The following GPR108 variants were observed in gnomAD, a reference collection of about 807,000 sequenced individuals.
The protein encoded by GPR108 is protein GPR108.
Under a neutral mutation model 74.3 loss-of-function variants are expected in GPR108, and 60 were observed. That is an observed-to-expected ratio of 0.81 (90% CI 0.66 to 1.00). The LOEUF is 1.00. GPR108 is among the 50% of genes least tolerant of loss of function. GPR108 has a pLI of 0.00. For missense variants in GPR108, 667 were observed against 703.3 expected (o/e 0.95, Z 0.58); for synonymous variants, 311 against 292.4 (o/e 1.06, Z -0.65).
chr19:6,730,275 G>A lies in GPR108; in HGVS notation c.*37C>T, dbSNP rs375153101. ...AGAAGGGCAGGAGTGAGAAATGCTGGGGGAGGACGACCCTTTGGTCTGAGA... is the reference window on the plus strand; with the variant it reads ...AGAAGGGCAGGAGTGAGAAATGCTGAGGGAGGACGACCCTTTGGTCTGAGA... On this transcript the variant is annotated 3_prime_UTR_variant, in exon 18 of 18. Coordinates refer to ENST00000264080, the MANE Select transcript of GPR108 (RefSeq NM_001080452.2). 2.1e-5 allele frequency: 33 copies of A among 1,577,426 alleles called. No individual in the cohort carries two copies. In the African/African-American group the frequency reaches 3.8e-4, roughly 18 times the overall value.
At position 6,730,245 on chromosome 19, in the gene GPR108, G is replaced by A. The variant is rs1968332477; in HGVS notation, c.*67C>T. On this transcript the variant is annotated 3_prime_UTR_variant, in exon 18 of 18. Transcript: ENST00000264080. ...CCCCCTCCACCTCCCCACATACGCT[G>A]TGGAAGAAGGGCAGGAGTGAGAAAT... 1.4e-6 allele frequency: 2 copies of A among 1,458,880 alleles called. No homozygotes were observed. Among genetic ancestry groups the A allele is most frequent in the Non-Finnish European group, 1.9e-6 (2 of 1,038,632 alleles). The allele number at this position is 1,458,880 out of a possible 1,614,324, so 90.4% of individuals were successfully genotyped here. A position where few individuals can be genotyped will look rare whatever the true frequency, so the allele number is the denominator to read the frequency against.
intron 1 of GPR108, chr19:6,737,145 G>C: frequency 2.4e-6 from 1 of 408,164 alleles, no homozygotes; most frequent in Non-Finnish European, 4.4e-6. Flanking sequence ...AGGGTCTCTA[G>C]CGCCCCAAAA....
Position 6,733,824 on chromosome 19 carries a change from G to T in GPR108, c.618+21C>A, listed in dbSNP as rs375796796. 3.1e-6 allele frequency: 5 copies of T among 1,613,166 alleles called. No homozygotes were observed. The East Asian group carries it at 1.1e-4, about 36-fold the overall frequency. On this transcript the variant is annotated intron_variant, in intron 7 of 17. Coordinates refer to ENST00000264080, the MANE Select transcript of GPR108 (RefSeq NM_001080452.2). ...CGTGCTCTGGGGTGACGGAAGGGCC[G>T]CAGGCGCTGCAAACACTCACACTGA... is the stretch of plus-strand genomic sequence containing the variant.
intron 2 of GPR108, 57 bp downstream of exon 2, chr19:6,736,535 C>T: frequency 6.4e-7 from 1 of 1,559,190 alleles, no homozygotes; most frequent in African/African-American, 1.4e-5. Context: ...AGCTGGGAAC[C>T]CAGAACCGGG....
chr19:6,734,235 G>A lies in GPR108; in HGVS notation c.447C>T (p.Ser149=). 1 of 1,614,206 alleles carries A rather than the reference G, an allele frequency of 6.2e-7. No homozygotes were observed. The highest frequency in any genetic ancestry group is 8.5e-7 in the Non-Finnish European group (1 of 1,180,040). Residue 149 remains serine, a synonymous_variant, in exon 5 of 18, where the codon TCC becomes TCT. Coordinates refer to ENST00000264080, the MANE Select transcript of GPR108 (RefSeq NM_001080452.2). ...CCTGTGGCTTCGGGAGCCCTGGTTT[G>A]GAGGGTGCTTCCGGGAGGAGCCCGG... is the stretch of plus-strand genomic sequence containing the variant. ...IFPGLLPEAP[S]KPGLPKPQAT...
intron 4 of GPR108, among the ~76,000 whole-genome samples, chr19:6,734,749 C>T (rs1466988001): frequency 5.3e-5 from 8 of 151,966 alleles, no homozygotes; most frequent in African/African-American, 1.9e-4. Flanking sequence ...CTACGTTGCC[C>T]AGGCTGGTCT....
intron 1 of GPR108, chr19:6,737,235 C>G: frequency 1.8e-6 from 1 of 561,736 alleles, no homozygotes; most frequent in Non-Finnish European, 3.0e-6. Context: ...GCCTCGCCCC[C>G]GAAGGGAGGG....
chr19:6,735,244 T>C (rs1173878511), intron 4 of GPR108: 1 of 175,262 alleles, frequency 5.7e-6, no homozygotes, highest in Admixed American at 5.7e-5. Context: ...AACATGGTTT[T>C]GTCAGACCCT....
At chr19:6,737,030 A>C in intron 1 of GPR108, 1 of 407,082 alleles carries the variant, frequency 2.5e-6, no homozygotes, top group Non-Finnish European at 4.5e-6. Flanking sequence ...GAACTTTTAC[A>C]TTCCAGTTGA....
At chr19:6,733,413 A>G (rs1404038303) in intron 8 of GPR108, 112 bp from the exon 9 acceptor site, 2 of 1,310,196 alleles carry the variant, frequency 1.5e-6, no homozygotes, top group Non-Finnish European at 2.1e-6. Flanking sequence ...CCACTCATCC[A>G]CTCTGAGCCT....
chr19:6,735,208 A>G (rs1321424353), intron 4 of GPR108, among the ~76,000 whole-genome samples: 1 of 152,186 alleles, frequency 6.6e-6, no homozygotes, highest in African/African-American at 2.4e-5. Context: ...TTATTTAAAA[A>G]GAAAACATTT....
chr19:6,733,093 G>A (rs368823609), intron 9 of GPR108, 31 bp from the exon 10 acceptor site: 5 of 1,613,532 alleles, frequency 3.1e-6, no homozygotes, highest in South Asian at 1.1e-5. Context: ...AGATGGGGGT[G>A]CGGGGCATCA....
rs917777992 is a variant in GPR108, at chr19:6,732,376, T to C, written c.1012A>G (p.Lys338Glu). 10 of 1,613,474 alleles carry C rather than the reference T, an allele frequency of 6.2e-6. No individual in the cohort carries two copies. The highest frequency in any genetic ancestry group is 7.6e-6 in the Non-Finnish European group (9 of 1,179,966). Residue 338 changes from lysine to glutamate, a missense_variant, in exon 12 of 18, where the codon AAG becomes GAG. Physicochemically the swap from Lys to Glu is moderately conservative, Grantham distance 56. Transcript: ENST00000264080. ...ATGGTGATGAAGAGGAGGGCGCCCT[T>C]CAGCCTGAAGGAGCAGGGGAGGGCG... The part of the protein sequence containing the change: ...AVMYYIAHLL[K>E]GALLFITIAL...
rs772972950 is a variant in GPR108, at chr19:6,733,184, T to C, written c.841A>G (p.Ile281Val). The C allele has an allele frequency of 2.5e-6, 4 of 1,613,970 alleles. No individual in the cohort carries two copies. Among genetic ancestry groups the C allele is most frequent in the Non-Finnish European group, 3.4e-6 (4 of 1,179,968 alleles). Residue 281 changes from isoleucine to valine, a missense_variant, in exon 9 of 18, where the codon ATC becomes GTC. By Grantham distance (29) the Ile-to-Val change is conservative. Transcript: ENST00000264080. Reference sequence around the variant, plus strand: ...GGGCATTACGTGTTCCTGCAGAGGATGGACACCCAGAAGATGCCAGCGGCC... The same window carrying C: ...GGGCATTACGTGTTCCTGCAGAGGACGGACACCCAGAAGATGCCAGCGGCC... ...FLAAGIFWVS[I>V]LCRNTYSVFK... is the part of the protein sequence containing the mutation.
rs768815542 is a variant in GPR108 at position 6,733,263 on chromosome 19, C to T, written c.762G>A (p.Ser254=). 3.9e-5 allele frequency: 63 copies of T among 1,613,870 alleles called. No individual in the cohort carries two copies. The East Asian group carries it at 5.8e-4, about 15-fold the overall frequency. Residue 254 remains serine (S), a synonymous_variant, in exon 9 of 18, where the codon TCG becomes TCA. Coordinates refer to ENST00000264080, the MANE Select transcript of GPR108 (RefSeq NM_001080452.2). ...IREKNPDGFL[S]AAEMPLFKLY... ...GCTTGAAAAGGGGCATCTCCGCTGC[C>T]GACAGGAAGCCATCGGGGTTCTTCT... is the stretch of plus-strand genomic sequence containing the variant.
intron 10 of GPR108, 38 bp from the exon 11 acceptor site, chr19:6,732,587 G>T: frequency 2.7e-6 from 4 of 1,495,350 alleles, no homozygotes; most frequent in Non-Finnish European, 3.7e-6. Context: ...GAGGCGCACA[G>T]AGGGGTGGGA....
Position 6,733,068 on chromosome 19 carries a change from G to A in GPR108, c.858-6C>T, listed in dbSNP as rs1968485907. 3 of 1,613,626 alleles carry A rather than the reference G, an allele frequency of 1.9e-6. No homozygotes were observed. The highest frequency in any genetic ancestry group is 2.7e-5 in the African/African-American group (2 of 74,920). On this transcript the variant is annotated splice_region_variant and splice_polypyrimidine_tract_variant and intron_variant, in intron 9 of 17. Coordinates refer to ENST00000264080, the MANE Select transcript of GPR108 (RefSeq NM_001080452.2). ...GGATCTTGAAGACGCTGTACCTGGT[G>A]GGAGGGTCAGGGAGAGATGGGGGTG...
rs1156663264 is a variant in GPR108, at chr19:6,733,932, T to TC, written c.550-20dup. The stretch of plus-strand genomic sequence containing the variant: ...TAGGACCCTGAAGGGACAGAGCCCC[T>TC]CCATCAGCTGGTTCTGGGTCCCCGC... On this transcript the variant is annotated intron_variant, in intron 6 of 17. Coordinates refer to ENST00000264080, the MANE Select transcript of GPR108 (RefSeq NM_001080452.2). The TC allele has an allele frequency of 2.5e-6, 4 of 1,614,000 alleles. No individual in the cohort carries two copies. In the African/African-American group the frequency reaches 5.3e-5, roughly 22 times the overall value.
At chr19:6,731,308 G>C in intron 15 of GPR108, 26 bp from the exon 16 acceptor site, 1 of 1,536,940 alleles carries the variant, frequency 6.5e-7, no homozygotes, top group African/African-American at 1.4e-5. Flanking sequence ...CAGGCGTGGG[G>C]CCAGGACTGT....
Sources: allele counts gnomAD v4.1 joint callset (sites outside exome capture counted in the v4.1 genomes callset), GRCh38; gene constraint gnomAD v4.1.1; transcripts MANE v1.5; gene names NCBI Gene and HGNC (gene_info 2026-07-23, HGNC 2026-07-21).